The following LHFPL3 variants were observed in gnomAD, a reference collection of about 807,000 sequenced individuals.
The protein encoded by LHFPL3 is LHFPL tetraspan subfamily member 3.
A neutral mutation model predicts 19.3 loss-of-function variants in LHFPL3; 5 were observed. The observed-to-expected ratio is 0.26, with a 90% CI of 0.14 to 0.54. The LOEUF is 0.54. Ranked by LOEUF, LHFPL3 falls within the 20% of genes least tolerant of loss-of-function variation. The pLI is 0.94. For missense variants in LHFPL3, 249 were observed against 307.4 expected (o/e 0.81, Z 1.42); for synonymous variants, 133 against 126.2 (o/e 1.05, Z -0.36).
At chr7:104,385,657 C>T (rs1790925606) in intron 1 of LHFPL3, among the ~76,000 whole-genome samples, 1 of 121,186 alleles carries the variant, frequency 8.3e-6, no homozygotes, top group African/African-American at 2.9e-5. Context: ...TTCACTTACT[C>T]ATGGCAATTT....
At chr7:104,662,337 T>C (rs1051388293) in intron 1 of LHFPL3, among the ~76,000 whole-genome samples, 1 of 152,220 alleles carries the variant, frequency 6.6e-6, no homozygotes, top group East Asian at 1.9e-4. Context: ...CTAGTAGTCA[T>C]AGTATGCTTT....
chr7:104,440,364 T>A (rs1792200079), intron 1 of LHFPL3, among the ~76,000 whole-genome samples: 1 of 148,898 alleles, frequency 6.7e-6, no homozygotes, highest in African/African-American at 2.5e-5. Context: ...AATCGAACAA[T>A]GAGAATACTT....
At chr7:104,864,062 TTTG>T (rs2116642174) in intron 2 of LHFPL3, among the ~76,000 whole-genome samples, 1 of 152,326 alleles carries the variant, frequency 6.6e-6, no homozygotes, top group African/African-American at 2.4e-5. Flanking sequence ...CCATCAACAT[TTTG>T]TTAATTTTGG....
At chr7:104,827,568 C>T (rs987616521) in intron 2 of LHFPL3, among the ~76,000 whole-genome samples, 3 of 151,282 alleles carry the variant, frequency 2.0e-5, no homozygotes, top group South Asian at 2.1e-4. Flanking sequence ...TCACTGTGCA[C>T]ATGTTCAGTA....
intron 1 of LHFPL3, among the ~76,000 whole-genome samples, chr7:104,491,797 A>G (rs1793358090): frequency 6.6e-6 from 1 of 152,234 alleles, no homozygotes; most frequent in Admixed American, 6.5e-5. Context: ...ATCCAAATTA[A>G]ATGTTAAAAT....
At chr7:104,616,754 C>T (rs1791351705) in intron 1 of LHFPL3, among the ~76,000 whole-genome samples, 1 of 152,100 alleles carries the variant, frequency 6.6e-6, no homozygotes, top group Non-Finnish European at 1.5e-5. Flanking sequence ...ATCTATCCAT[C>T]TGACAAAGGT....
intron 1 of LHFPL3, among the ~76,000 whole-genome samples, chr7:104,532,755 T>G (rs1372072554): frequency 6.6e-6 from 1 of 152,182 alleles, no homozygotes; most frequent in Non-Finnish European, 1.5e-5. Context: ...AATTATACAT[T>G]ACTATCACAA....
At chr7:104,669,373 C>T (rs1403327477) in intron 1 of LHFPL3, 26 of 1,613,210 alleles carry the variant, frequency 1.6e-5, no homozygotes, top group East Asian at 4.5e-5. Flanking sequence ...GAACTCTAGC[C>T]GTGGTCCAGG....
At chr7:104,818,824 A>T (rs959109685) in intron 2 of LHFPL3, among the ~76,000 whole-genome samples, 13 of 150,570 alleles carry the variant, frequency 8.6e-5, no homozygotes, top group Admixed American at 3.3e-4. Context: ...TGCTAAAATT[A>T]AAAAAAAAGG....
chr7:104,529,815 A>C (rs374819384), intron 1 of LHFPL3, among the ~76,000 whole-genome samples: 1 of 152,158 alleles, frequency 6.6e-6, no homozygotes, highest in East Asian at 1.9e-4. Flanking sequence ...CAGAGGATGG[A>C]GGCACTGGGT....
chr7:104,668,445 T>C, intron 1 of LHFPL3: 1 of 1,609,824 alleles, frequency 6.2e-7, no homozygotes. Context: ...TTCAGACCGG[T>C]ATCGGGATGG....
intron 2 of LHFPL3, among the ~76,000 whole-genome samples, chr7:104,866,224 A>C (rs934205674): frequency 1.2e-4 from 18 of 152,214 alleles, no homozygotes; most frequent in Non-Finnish European, 2.6e-4. Flanking sequence ...CACACATAAT[A>C]ATATTAACCT....
chr7:104,805,653 AG>A (rs1790346850), intron 2 of LHFPL3, among the ~76,000 whole-genome samples: 1 of 152,222 alleles, frequency 6.6e-6, no homozygotes, highest in South Asian at 2.1e-4. Context: ...GCTGTACAAA[AG>A]CTTCCAGCCA....
intron 2 of LHFPL3, among the ~76,000 whole-genome samples, chr7:104,863,656 T>C (rs1164008050): frequency 6.6e-6 from 1 of 152,224 alleles, no homozygotes; most frequent in Admixed American, 6.5e-5. Flanking sequence ...CCCTAGAGGA[T>C]AGAATTTGTT....
chr7:104,544,065 G>A (rs991023394), intron 1 of LHFPL3, among the ~76,000 whole-genome samples: 1 of 150,472 alleles, frequency 6.6e-6, no homozygotes, highest in Admixed American at 6.6e-5. Context: ...GCTGGTATTA[G>A]GAGTTTGCAA....
intron 2 of LHFPL3, among the ~76,000 whole-genome samples, chr7:104,842,147 G>C (rs1562811433): frequency 1.3e-5 from 2 of 148,380 alleles, no homozygotes; most frequent in Non-Finnish European, 3.0e-5. Flanking sequence ...CAGCATGTCT[G>C]TTCTGATCAA....
At chr7:104,451,439 G>C (rs34407553) in intron 1 of LHFPL3, among the ~76,000 whole-genome samples, 1,671 of 152,300 alleles carry the variant, frequency 0.011, 11 homozygotes, top group Non-Finnish European at 0.019. Context: ...GTGCTATAAT[G>C]CGGGTGATGA....
At chr7:104,806,382 T>G (rs1790362052) in intron 2 of LHFPL3, among the ~76,000 whole-genome samples, 1 of 152,242 alleles carries the variant, frequency 6.6e-6, no homozygotes, top group Non-Finnish European at 1.5e-5. Context: ...CTAGAAACCC[T>G]TAAACTGTTC....
chr7:104,430,426 A>ACGTG (rs1562895239), intron 1 of LHFPL3, among the ~76,000 whole-genome samples: 1 of 11,492 alleles, frequency 8.7e-5, no homozygotes, highest in Non-Finnish European at 1.9e-4. Flanking sequence ...ATACATATAT[A>ACGTG]TATATATATA....
Sources: allele counts gnomAD v4.1 joint callset (sites outside exome capture counted in the v4.1 genomes callset), GRCh38; gene constraint gnomAD v4.1.1; transcripts MANE v1.5; gene names NCBI Gene and HGNC (gene_info 2026-07-23, HGNC 2026-07-21).